The following NUP214 variants were observed in gnomAD, a reference collection of about 807,000 sequenced individuals.
NUP214 encodes nuclear pore complex protein Nup214.
NUP214 carries 79 observed loss-of-function variants against 196.2 expected under a neutral mutation model. That is an observed-to-expected ratio of 0.40 (90% confidence interval 0.34 to 0.49). The LOEUF (loss-of-function observed/expected upper bound fraction) is 0.49. Ranked by LOEUF, NUP214 falls within the 20% of genes least tolerant of loss-of-function variation. NUP214 has a pLI of 0.58. For missense variants in NUP214, 2,468 were observed against 2,539.0 expected (o/e 0.97, Z 0.60); for synonymous variants, 1,020 against 990.5 (o/e 1.03, Z -0.56).
At chr9:131,221,348 T>G (rs1834550411) in intron 31 of NUP214, among the ~76,000 whole-genome samples, 1 of 152,198 alleles carries the variant, frequency 6.6e-6, no homozygotes. Context: ...GCAGTGACCA[T>G]GATGTGATGG....
At chr9:131,171,944 A>G (rs1217680810) in intron 21 of NUP214, among the ~76,000 whole-genome samples, 1 of 152,148 alleles carries the variant, frequency 6.6e-6, no homozygotes, top group Non-Finnish European at 1.5e-5. Context: ...TTCTTAAACC[A>G]GTCTATCATT....
intron 30 of NUP214, among the ~76,000 whole-genome samples, chr9:131,207,403 G>T (rs72768595): frequency 0.019 from 2,969 of 152,324 alleles, 52 homozygotes; most frequent in Non-Finnish European, 0.03. Flanking sequence ...TCAGTGGTTG[G>T]CTTGGCTGTT....
Position 131,163,898 on chromosome 9 carries a change from A to G in NUP214, c.2752A>G (p.Asn918Asp), listed in dbSNP as rs149414247. 1.4e-4 allele frequency: 226 copies of G among 1,614,022 alleles called. No homozygotes were observed. The highest frequency in any genetic ancestry group is 1.7e-4 in the Non-Finnish European group (197 of 1,180,008). The change falls in exon 20 of 36, where the codon AAT (asparagine) becomes GAT (aspartate). Residue 918 changes from asparagine to aspartate, a missense_variant. Asn to Asp is a conservative substitution (Grantham distance 23). This residue lies in a region of NUP214 where 1,801 missense variants were observed against 1,779.4 expected (regional missense o/e 1.01). Transcript: ENST00000359428. The part of the protein sequence containing the change: ...SFDSDLESLC[N>D]ALLKTTIESH... The stretch of plus-strand genomic sequence containing the variant: ...TGACAGTGACCTGGAAAGCCTGTGC[A>G]ATGCTTTGTTGAAAACCACCATAGA...
rs1179424961 is a variant in NUP214, at chr9:131,125,949, C to T, written c.45+200C>T. Reference sequence around the variant, plus strand: ...CAGTTTCCCAGTCCCATCCTGGTCTCGTGCACGGCTGTTGAGTTACCCTAG... The same window carrying T: ...CAGTTTCCCAGTCCCATCCTGGTCTTGTGCACGGCTGTTGAGTTACCCTAG... On this transcript the variant is annotated intron_variant, in intron 1 of 35. Transcript: ENST00000359428. This position sits in a 1 kb window ranked among gnomAD's most constrained non-coding sequence, Gnocchi z 4.1. The T allele has an allele frequency of 1.6e-6, 1 of 641,178 alleles. No homozygotes were observed. Among genetic ancestry groups the T allele is most frequent in the African/African-American group, 1.9e-5 (1 of 53,768 alleles). 39.7% of individuals were successfully genotyped at this position (641,178 alleles called of 1,614,324 possible). A position where few individuals can be genotyped will look rare whatever the true frequency, so the allele number is the denominator to read the frequency against.
In NUP214 at chr9:131,135,908, G is replaced by A. The variant is rs761227239; in HGVS notation, c.939-32G>A. 1.7e-5 allele frequency: 27 copies of A among 1,594,154 alleles called. No individual in the cohort carries two copies. In the East Asian group the frequency reaches 5.8e-4, roughly 34 times the overall value. ...TTAGCTTAGAACTATTGCTGTATTT[G>A]AACGTAATGGTCTCTGGTTTTATTC... On this transcript the variant is annotated intron_variant, in intron 8 of 35. Transcript: ENST00000359428.
chr9:131,135,889 T>C (rs749181048), intron 8 of NUP214, 51 bp from the exon 9 acceptor site: 4 of 1,493,896 alleles, frequency 2.7e-6, no homozygotes, highest in Non-Finnish European at 2.8e-6. Context: ...CAGGTTAGCT[T>C]AGAACTATTG....
chr9:131,234,580 G>A lies in NUP214; in HGVS notation c.*1093G>A, dbSNP rs1181512634. ...TTGGGTCATGAGCAGCGGGGAGTTG[G>A]GAAGAGATTTTTTTTTTTAGAGTTT... On this transcript the variant is annotated 3_prime_UTR_variant, in exon 36 of 36. Coordinates refer to ENST00000359428, the MANE Select transcript of NUP214 (RefSeq NM_005085.4). 8.7e-6 allele frequency: 2 copies of A among 231,012 alleles called. No homozygotes were observed. Among genetic ancestry groups the A allele is most frequent in the East Asian group, 1.2e-4 (2 of 16,406 alleles). 14.3% of individuals were successfully genotyped at this position (231,012 alleles called of 1,614,324 possible). A position where few individuals can be genotyped will look rare whatever the true frequency, so the allele number is the denominator to read the frequency against.
Position 131,159,392 on chromosome 9 carries a change from C to T in NUP214, c.2446C>T (p.Arg816Cys), listed in dbSNP as rs1318785562. ...AATTTTTTTCTTATAGGAAATTCGGCGCCTTCATCAGTATGTGAAATTTGC... is the reference window on the plus strand; with the variant it reads ...AATTTTTTTCTTATAGGAAATTCGGTGCCTTCATCAGTATGTGAAATTTGC... Reference protein sequence around the residue: ...KSEAQLQEIRRLHQYVKFAVQ... With the variant: ...KSEAQLQEIRCLHQYVKFAVQ... Residue 816 changes from arginine to cysteine, a missense_variant, in exon 18 of 36, where the codon CGC becomes TGC. Physicochemically the swap from Arg to Cys is radical, Grantham distance 180 (BLOSUM62 -3). Transcript: ENST00000359428. The T allele has an allele frequency of 5.6e-6, 9 of 1,611,762 alleles. No individual in the cohort carries two copies. Among genetic ancestry groups the T allele is most frequent in the South Asian group, 3.3e-5 (3 of 90,362 alleles).
In NUP214 at chr9:131,198,222, T is replaced by C. The variant is rs1411285823; in HGVS notation, c.4728T>C (p.Asp1576=). 1 of 1,614,240 alleles carries C rather than the reference T, an allele frequency of 6.2e-7. No individual in the cohort carries two copies. Among genetic ancestry groups the C allele is most frequent in the South Asian group, 1.1e-5 (1 of 91,086 alleles). The part of the protein sequence containing the change: ...EATPATTGVP[D]ARTEAVPPAS... Reference sequence around the variant, plus strand: ...CCCCAGCCACCACGGGGGTCCCTGATGCCAGGACGGAGGCAGTACCACCTG... The same window carrying C: ...CCCCAGCCACCACGGGGGTCCCTGACGCCAGGACGGAGGCAGTACCACCTG... The change falls in exon 29 of 36, where the codon GAT becomes GAC. Residue 1576 remains aspartate, a synonymous_variant. Transcript: ENST00000359428.
chr9:131,126,942 A>G (rs1364750789), intron 1 of NUP214: 1 of 152,228 alleles, frequency 6.6e-6, no homozygotes, highest in Admixed American at 6.5e-5. Context: ...GTAGAAGAAA[A>G]AAAGGTTTTA....
intron 28 of NUP214, 26 bp from the exon 29 acceptor site, chr9:131,197,190 A>G (rs773855564): frequency 1.2e-5 from 20 of 1,606,310 alleles, no homozygotes; most frequent in Non-Finnish European, 1.5e-5. Context: ...AATCCAACCC[A>G]TTTTCTGATT....
rs373205036 is a variant in NUP214, at chr9:131,215,178, T to C, written c.5593-34T>C. The C allele has an allele frequency of 1.8e-5, 27 of 1,473,770 alleles. No individual in the cohort carries two copies. In the African/African-American group the frequency reaches 3.9e-4, roughly 21 times the overall value. The allele number at this position is 1,473,770 out of a possible 1,614,324, so 91.3% of individuals were successfully genotyped here. A position where few individuals can be genotyped will look rare whatever the true frequency, so the allele number is the denominator to read the frequency against. On this transcript the variant is annotated intron_variant, in intron 30 of 35. Coordinates refer to ENST00000359428, the MANE Select transcript of NUP214 (RefSeq NM_005085.4). ...CCTGCCATTTCACGATGACCTCTCATCCTATCTTGCTTCCTGACCCTTTTG... is the reference window on the plus strand; with the variant it reads ...CCTGCCATTTCACGATGACCTCTCACCCTATCTTGCTTCCTGACCCTTTTG...
In NUP214 at chr9:131,215,304, G is replaced by A; in HGVS notation, c.5685G>A (p.Gln1895=). The change falls in exon 31 of 36, where the codon CAG becomes CAA. Residue 1895 remains glutamine, a synonymous_variant. Transcript: ENST00000359428. ...GTGGCCTTGGAGGAAAACCCAGTCA[G>A]GATGCAGCCAACAAAAACCCATTCA... ...FFSGLGGKPS[Q]DAANKNPFSS... is the part of the protein sequence containing the mutation. The A allele has an allele frequency of 6.2e-7, 1 of 1,610,392 alleles. No individual in the cohort carries two copies. The highest frequency in any genetic ancestry group is 8.5e-7 in the Non-Finnish European group (1 of 1,178,260).
chr9:131,184,550 G>A (rs1833396372), intron 24 of NUP214, among the ~76,000 whole-genome samples: 1 of 151,814 alleles, frequency 6.6e-6, no homozygotes, highest in South Asian at 2.1e-4. Flanking sequence ...TGGCCAGGCT[G>A]GTCTCGAACT....
Position 131,229,254 on chromosome 9 carries a change from G to A in NUP214, c.6074+923G>A, listed in dbSNP as rs186080859. Reference sequence around the variant, plus strand: ...TCCCCTCCGTGCAAGATGCTGGAGCGCAGCAGCAGGAGTGAGAGGGTTGGC... The same window carrying A: ...TCCCCTCCGTGCAAGATGCTGGAGCACAGCAGCAGGAGTGAGAGGGTTGGC... On this transcript the variant is annotated intron_variant, in intron 33 of 35. Transcript: ENST00000359428. The A allele has an allele frequency of 6.1e-3, 966 of 159,640 alleles. 4 individuals carry two copies. Among genetic ancestry groups the A allele is most frequent in the Non-Finnish European group, 9.1e-3 (655 of 71,960 alleles). The allele number at this position is 159,640 out of a possible 1,614,324, so 9.9% of individuals were successfully genotyped here.
At chr9:131,165,103 G>A (rs1300105521) in intron 21 of NUP214, 1 of 152,008 alleles carries the variant, frequency 6.6e-6, no homozygotes, top group Non-Finnish European at 1.5e-5. Flanking sequence ...GTAGGTAATT[G>A]GGAAAAATAT....
rs1360011095 is a variant in NUP214 at position 131,146,703 on chromosome 9, G to A, written c.1945+399G>A. On this transcript the variant is annotated intron_variant, in intron 13 of 35. Coordinates refer to ENST00000359428, the MANE Select transcript of NUP214 (RefSeq NM_005085.4). This position sits in a 1 kb window ranked among gnomAD's most constrained non-coding sequence, Gnocchi z 4.6. Reference sequence around the variant, plus strand: ...CCAGCACTTTGGGAGGCCAAGGCAGGTGGATCACCGGAGGTTAGGAGTTCG... The same window carrying A: ...CCAGCACTTTGGGAGGCCAAGGCAGATGGATCACCGGAGGTTAGGAGTTCG... 1.3e-5 allele frequency among the ~76,000 whole-genome samples: 2 copies of A among 152,160 alleles called. No individual in the cohort carries two copies. The highest frequency in any genetic ancestry group is 4.8e-5 in the African/African-American group (2 of 41,442).
At chr9:131,153,840 T>C (rs139350378) in intron 17 of NUP214, among the ~76,000 whole-genome samples, 1 of 152,342 alleles carries the variant, frequency 6.6e-6, no homozygotes, top group East Asian at 1.9e-4. Flanking sequence ...AGGTTTACAA[T>C]TCACTCGGGT....
Position 131,132,669 on chromosome 9 carries a change from G to T in NUP214, c.727+10G>T, listed in dbSNP as rs759663548. 6.2e-7 allele frequency: 1 copy of T among 1,611,774 alleles called. No individual in the cohort carries two copies. The highest frequency in any genetic ancestry group is 1.1e-5 in the South Asian group (1 of 91,020). Reference sequence around the variant, plus strand: ...GATCATCCTGTCAGAGGTAACAACTGCTTTTCTTATTGGGCTGACCTCTAA... The same window carrying T: ...GATCATCCTGTCAGAGGTAACAACTTCTTTTCTTATTGGGCTGACCTCTAA... On this transcript the variant is annotated intron_variant, in intron 6 of 35. Coordinates refer to ENST00000359428, the MANE Select transcript of NUP214 (RefSeq NM_005085.4).
Sources: allele counts gnomAD v4.1 joint callset (sites outside exome capture counted in the v4.1 genomes callset), GRCh38; gene constraint gnomAD v4.1.1; regional missense constraint gnomAD v4.1.1; non-coding constraint Gnocchi (gnomAD v3.1); transcripts MANE v1.5; gene names NCBI Gene and HGNC (gene_info 2026-07-23, HGNC 2026-07-21).